Variants in PLCE1 observed in about 807,000 individuals in gnomAD.
PLCE1 encodes phospholipase C epsilon 1.
PLCE1 carries 119 observed loss-of-function variants against 242.8 expected under a neutral mutation model. That is an observed-to-expected ratio of 0.49 (90% CI 0.42 to 0.57). PLCE1 has a LOEUF of 0.57. PLCE1 is among the 20% of genes least tolerant of loss of function. The pLI is 0.00. For synonymous variants in PLCE1, 945 were observed against 1,017.4 expected (o/e 0.93, Z 1.35); for missense variants, 2,441 against 2,788.8 (o/e 0.88, Z 2.81).
In PLCE1 at chr10:94,254,262, C is replaced by T. The variant is rs756774063; in HGVS notation, c.3352C>T (p.Arg1118Trp). 1.4e-5 allele frequency: 23 copies of T among 1,613,784 alleles called. No homozygotes were observed. The highest frequency in any genetic ancestry group is 2.7e-5 in the African/African-American group (2 of 74,892). The change falls in exon 10 of 33, where the codon CGG (arginine) becomes TGG (tryptophan). Residue 1118 changes from arginine (R) to tryptophan (W), a missense_variant. This residue lies in a region of PLCE1 where 1,004 missense variants were observed against 1,322.7 expected (regional missense o/e 0.76). Transcript: ENST00000371380. ...CAAGATGCACAAAGAGTGTCGAAGC[C>T]GGAGTGGTTCTGATCCTCAAGACAT... ...KAKMHKECRS[R>W]SGSDPQDINE...
intron 4 of PLCE1, among the ~76,000 whole-genome samples, chr10:94,217,205 C>G (rs1443087718): frequency 1.3e-5 from 2 of 151,766 alleles, no homozygotes. Context: ...AGTATTAGTA[C>G]CAGCCTTGTA....
intron 2 of PLCE1, among the ~76,000 whole-genome samples, chr10:94,114,941 C>T (rs557741754): frequency 1.5e-4 from 22 of 151,710 alleles, no homozygotes; most frequent in African/African-American, 2.2e-4. Flanking sequence ...CAACAGGCCC[C>T]GGTGTGTGAT....
chr10:94,039,507 G>C (rs1293307266), intron 2 of PLCE1, among the ~76,000 whole-genome samples: 1 of 151,892 alleles, frequency 6.6e-6, no homozygotes, highest in Admixed American at 6.6e-5. Context: ...TCAACCTGAG[G>C]CATGAGTATT....
chr10:93,997,943 G>A (rs191065222), intron 1 of PLCE1, among the ~76,000 whole-genome samples: 1 of 152,178 alleles, frequency 6.6e-6, no homozygotes, highest in East Asian at 1.9e-4. Flanking sequence ...ATTCATAACT[G>A]TTATGGGGTG....
intron 2 of PLCE1, among the ~76,000 whole-genome samples, chr10:94,099,089 C>A (rs1480566923): frequency 6.6e-6 from 1 of 152,236 alleles, no homozygotes; most frequent in Non-Finnish European, 1.5e-5. Context: ...ATAGGCAGCT[C>A]AGTGTTGGGA....
At chr10:94,327,115 T>C (rs1484447804) in intron 32 of PLCE1, among the ~76,000 whole-genome samples, 1 of 151,708 alleles carries the variant, frequency 6.6e-6, no homozygotes, top group Admixed American at 6.6e-5. Context: ...TGAGCCGAGA[T>C]TGCGCCACTG....
intron 4 of PLCE1, among the ~76,000 whole-genome samples, chr10:94,180,521 G>T (rs1032385084): frequency 6.6e-6 from 1 of 152,098 alleles, no homozygotes; most frequent in Non-Finnish European, 1.5e-5. Flanking sequence ...GAGAAAGATT[G>T]CCCCCAAAAT....
At chr10:94,221,829 C>CA (rs2049758283) in intron 4 of PLCE1, among the ~76,000 whole-genome samples, 1 of 152,210 alleles carries the variant, frequency 6.6e-6, no homozygotes, top group Non-Finnish European at 1.5e-5. Flanking sequence ...TCAACCTTTG[C>CA]AGTTAGAATG....
At chr10:94,296,999 G>A (rs2052847714) in intron 23 of PLCE1, among the ~76,000 whole-genome samples, 1 of 151,894 alleles carries the variant, frequency 6.6e-6, no homozygotes, top group African/African-American at 2.4e-5. Context: ...TCAGCCTCCT[G>A]AGTAGCTGCG....
intron 7 of PLCE1, among the ~76,000 whole-genome samples, chr10:94,244,908 C>T (rs1341120352): frequency 6.6e-6 from 1 of 152,046 alleles, no homozygotes; most frequent in African/African-American, 2.4e-5. Flanking sequence ...ACCATGTTGC[C>T]CAGCCTGGTC....
chr10:94,318,174 T>C (rs1485531514), intron 29 of PLCE1, among the ~76,000 whole-genome samples: 1 of 152,164 alleles, frequency 6.6e-6, no homozygotes, highest in Non-Finnish European at 1.5e-5. Context: ...AAAATGTAAT[T>C]GTCTCCCCAG....
At chr10:94,147,058 G>A (rs536156600) in intron 3 of PLCE1, among the ~76,000 whole-genome samples, 13 of 152,076 alleles carry the variant, frequency 8.5e-5, no homozygotes, top group Middle Eastern at 3.4e-3. Flanking sequence ...GTAGAGAAAC[G>A]CTGTGTCTCT....
At chr10:94,089,957 A>G (rs1304201604) in intron 2 of PLCE1, among the ~76,000 whole-genome samples, 1 of 152,216 alleles carries the variant, frequency 6.6e-6, no homozygotes, top group Non-Finnish European at 1.5e-5. Flanking sequence ...AAAATGAGCT[A>G]CATGTTTTTT....
intron 1 of PLCE1, among the ~76,000 whole-genome samples, chr10:94,022,814 A>G (rs1421385853): frequency 1.3e-5 from 2 of 152,162 alleles, no homozygotes; most frequent in Non-Finnish European, 1.5e-5. Context: ...TCAGTTTCAG[A>G]GACTGGAAGC....
rs538867883 is a variant in PLCE1, at chr10:94,263,685, C to A, written c.4053+953C>A. 2.6e-5 allele frequency among the ~76,000 whole-genome samples: 4 copies of A among 152,026 alleles called. No individual in the cohort carries two copies. In the South Asian group the frequency reaches 6.3e-4, roughly 24 times the overall value. ...CACCAGTCTGGGTAACAGAGCGAAA[C>A]CCTGTCTCAAAAAAACAAACAAAAA... On this transcript the variant is annotated intron_variant, in intron 14 of 32. Transcript: ENST00000371380.
chr10:94,151,503 G>T (rs903600960), intron 3 of PLCE1, among the ~76,000 whole-genome samples: 14 of 152,196 alleles, frequency 9.2e-5, no homozygotes, highest in African/African-American at 3.1e-4. Context: ...GATCCAGTTT[G>T]GATATCTTGA....
At chr10:94,248,018 A>G (rs2050747193) in intron 8 of PLCE1, among the ~76,000 whole-genome samples, 1 of 152,246 alleles carries the variant, frequency 6.6e-6, no homozygotes, top group Non-Finnish European at 1.5e-5. Context: ...ATTGTCACAG[A>G]ACAAATAGAA....
chr10:94,257,040 T>C (rs941561499), intron 11 of PLCE1, among the ~76,000 whole-genome samples: 29 of 152,180 alleles, frequency 1.9e-4, no homozygotes, highest in African/African-American at 6.5e-4. Context: ...TTCCTGCACC[T>C]CTACCCTATG....
At chr10:94,301,857 G>C (rs1424272650) in intron 24 of PLCE1, among the ~76,000 whole-genome samples, 1 of 150,504 alleles carries the variant, frequency 6.6e-6, no homozygotes, top group Non-Finnish European at 1.5e-5. Context: ...CTAGTCAAAA[G>C]AAAAACTTCT....
Sources: gnomAD v4.1 joint callset for allele counts (sites outside exome capture counted in the v4.1 genomes callset) on GRCh38, gnomAD v4.1.1 for gene constraint, gnomAD v4.1.1 regional missense constraint, MANE v1.5 for transcripts, NCBI Gene and HGNC (gene_info 2026-07-23, HGNC 2026-07-21) for gene names.